Variants in GLT1D1 observed in about 807,000 individuals in gnomAD.
GLT1D1 encodes glycosyltransferase 1 domain-containing protein 1.
A neutral mutation model predicts 28.7 loss-of-function variants in GLT1D1; 21 were observed. The observed-to-expected ratio is 0.73, with a 90% CI of 0.52 to 1.05. The LOEUF (loss-of-function observed/expected upper bound fraction) is 1.05, where lower values mean the gene tolerates loss of function less well. Among genes scored for constraint, GLT1D1 ranks in the 50% least tolerant of loss-of-function variants. The probability of loss-of-function intolerance (pLI) is 0.00; values close to 1 mark genes in which losing one functional copy is unlikely to be tolerated. For missense variants in GLT1D1, 343 were observed against 330.6 expected, an observed-to-expected ratio of 1.04 and a Z score of -0.29; for synonymous variants, 147 against 124.8, an observed-to-expected ratio of 1.18 and a Z score of -1.19.
chr12:128,904,563 T>C (rs1174010628), intron 4 of GLT1D1, among the ~76,000 whole-genome samples: 2 of 150,920 alleles, frequency 1.3e-5, no homozygotes, highest in Non-Finnish European at 2.9e-5. Flanking sequence ...GAGGGCACAG[T>C]TGGGGACACA....
At chr12:128,943,658 T>A (rs1875630938) in intron 4 of GLT1D1, among the ~76,000 whole-genome samples, 1 of 152,252 alleles carries the variant, frequency 6.6e-6, no homozygotes, top group South Asian at 2.1e-4. Context: ...TACATTGTTG[T>A]AGCAAATTGA....
intron 2 of GLT1D1, among the ~76,000 whole-genome samples, chr12:128,881,030 T>C (rs1218034512): frequency 1.3e-5 from 2 of 149,464 alleles, no homozygotes; most frequent in African/African-American, 4.9e-5. Context: ...CGAGACCATC[T>C]TGGCTAACAC....
chr12:128,892,433 T>C (rs1469001829), intron 3 of GLT1D1, among the ~76,000 whole-genome samples: 1 of 152,250 alleles, frequency 6.6e-6, no homozygotes, highest in Non-Finnish European at 1.5e-5. Flanking sequence ...TACCTTTAGA[T>C]TCCTGTAGTT....
intron 1 of GLT1D1, among the ~76,000 whole-genome samples, chr12:128,854,708 G>GT (rs924493217): frequency 3.9e-5 from 6 of 152,006 alleles, no homozygotes; most frequent in African/African-American, 1.4e-4. Context: ...TGTTGGCCAG[G>GT]TTGGTCTCGA....
chr12:128,953,183 T>G (rs986222854), intron 6 of GLT1D1, among the ~76,000 whole-genome samples: 8 of 152,236 alleles, frequency 5.3e-5, no homozygotes, highest in Non-Finnish European at 1.0e-4. Context: ...GTTCTCCTTT[T>G]GTTGTTGAGT....
chr12:128,891,770 G>T (rs764783913), intron 3 of GLT1D1, among the ~76,000 whole-genome samples: 2 of 152,124 alleles, frequency 1.3e-5, no homozygotes, highest in African/African-American at 4.8e-5. Context: ...TGAGGACCCC[G>T]ATCGTATGTT....
rs150711783 is a variant in GLT1D1 at position 128,922,264 on chromosome 12, G to A, written c.375+22977G>A. 2.7e-3 allele frequency among the ~76,000 whole-genome samples: 404 copies of A among 152,080 alleles called. 2 individuals are homozygous for A. Among genetic ancestry groups the A allele is most frequent in the African/African-American group, 8.5e-3 (353 of 41,450 alleles). ...TAAACTGGTATTCCCTGGTTTCTCC[G>A]TGTACTGTACAGGTATTATATTTCC... On this transcript the variant is annotated intron_variant, in intron 4 of 7. Transcript: ENST00000281703.
At chr12:128,924,160 C>G (rs1486673994) in intron 4 of GLT1D1, among the ~76,000 whole-genome samples, 1 of 152,048 alleles carries the variant, frequency 6.6e-6, no homozygotes, top group Non-Finnish European at 1.5e-5. Flanking sequence ...GGAGCACTGG[C>G]TCATGCCTGT....
chr12:128,975,271 C>T (rs76950887), intron 7 of GLT1D1, among the ~76,000 whole-genome samples: 28,875 of 151,842 alleles, frequency 0.19, 3,403 homozygotes, highest in Non-Finnish European at 0.28. Context: ...TGACTGGGGG[C>T]GGGGGGAAGT....
chr12:128,906,954 G>T, intron 4 of GLT1D1: 1 of 702,560 alleles, frequency 1.4e-6, no homozygotes, highest in Non-Finnish European at 2.6e-6. Flanking sequence ...TTCCTGTACA[G>T]GTGAGCTCCA....
chr12:128,956,569 G>A (rs926591394), intron 6 of GLT1D1, among the ~76,000 whole-genome samples: 1 of 152,272 alleles, frequency 6.6e-6, no homozygotes, highest in South Asian at 2.1e-4. Context: ...AGGATCAACT[G>A]TTCATCCCCG....
intron 1 of GLT1D1, among the ~76,000 whole-genome samples, chr12:128,870,536 G>T (rs1956657170): frequency 6.6e-6 from 1 of 152,144 alleles, no homozygotes; most frequent in Non-Finnish European, 1.5e-5. Flanking sequence ...TAGTTGAATT[G>T]AATTATTACT....
intron 1 of GLT1D1, among the ~76,000 whole-genome samples, chr12:128,874,098 TTCTCTCTC>T (rs1263001892): frequency 3.0e-5 from 1 of 33,020 alleles, no homozygotes; most frequent in Non-Finnish European, 5.3e-5. Context: ...CTTTCTTTCT[TTCTCTCTC>T]TCTCTCTCTC....
chr12:128,854,394 C>CGT (rs56655033), intron 1 of GLT1D1, among the ~76,000 whole-genome samples: 22,417 of 143,754 alleles, frequency 0.16, 1,713 homozygotes, highest in African/African-American at 0.18. Context: ...TAACAGAAGC[C>CGT]GTGTGTGTGT....
At chr12:128,928,024 AAC>A (rs1185564825) in intron 4 of GLT1D1, among the ~76,000 whole-genome samples, 13 of 148,256 alleles carry the variant, frequency 8.8e-5, no homozygotes, top group Non-Finnish European at 1.7e-4. Flanking sequence ...AAAAAAAAAA[AAC>A]AAAAAAGAAT....
intron 4 of GLT1D1, among the ~76,000 whole-genome samples, chr12:128,931,909 A>G (rs1454238110): frequency 1.7e-5 from 2 of 118,634 alleles, no homozygotes; most frequent in East Asian, 7.4e-4. Flanking sequence ...ATGTGCACAC[A>G]CACGCACGCA....
At chr12:128,975,885 T>C (rs1357731612) in intron 7 of GLT1D1, among the ~76,000 whole-genome samples, 6 of 152,246 alleles carry the variant, frequency 3.9e-5, no homozygotes, top group African/African-American at 7.2e-5. Context: ...GGAAGGTTCA[T>C]GCTGAAGAGT....
chr12:128,886,297 G>A (rs1351137650), intron 2 of GLT1D1, among the ~76,000 whole-genome samples: 1 of 152,148 alleles, frequency 6.6e-6, no homozygotes, highest in African/African-American at 2.4e-5. Context: ...GCAATAGGGT[G>A]TATCAGTTTC....
In GLT1D1 at chr12:128,894,880, T is replaced by TTATATA. The variant is rs146781273; in HGVS notation, c.324-4345_324-4340dup. On this transcript the variant is annotated intron_variant, in intron 3 of 7. Transcript: ENST00000281703. Reference sequence around the variant, plus strand: ...AAATAATAAATAAATATATTAAAAATTATATATATATATATAACATGGACT... The same window carrying TTATATA: ...AAATAATAAATAAATATATTAAAAATTATATATATATATATATATATAACATGGACT... Among the ~76,000 whole-genome samples the TTATATA allele has an allele frequency of 3.3e-3, 491 of 148,474 alleles. 4 individuals carry two copies. The highest frequency in any genetic ancestry group is 0.011 in the African/African-American group (462 of 40,738).
Sources: allele counts gnomAD v4.1 joint callset (sites outside exome capture counted in the v4.1 genomes callset), GRCh38; gene constraint gnomAD v4.1.1; transcripts MANE v1.5; gene names NCBI Gene and HGNC (gene_info 2026-07-23, HGNC 2026-07-21).